The following GCNT1 variants were observed in gnomAD, a reference collection of about 807,000 sequenced individuals.
GCNT1 encodes glucosaminyl (N-acetyl) transferase 1.
In GCNT1, 16 loss-of-function variants were observed where a neutral mutation model predicts 26.2. The observed-to-expected ratio is 0.61, with a 90% confidence interval of 0.41 to 0.93. GCNT1 has a LOEUF of 0.93. GCNT1 is among the 40% of genes least tolerant of loss of function. The pLI, the probability that GCNT1 is intolerant of heterozygous loss-of-function variation, is 0.00. For missense variants in GCNT1, 477 were observed against 526.7 expected, an observed-to-expected ratio of 0.91 and a Z score of 0.92; for synonymous variants, 183 against 190.8, an observed-to-expected ratio of 0.96 and a Z score of 0.34.
chr9:76,484,501 G>A (rs898762467), intron 2 of GCNT1, among the ~76,000 whole-genome samples: 1 of 152,012 alleles, frequency 6.6e-6, no homozygotes, highest in African/African-American at 2.4e-5. Context: ...AAGAATAACA[G>A]TGTTTTTGTA....
the GCNT1 span, chr9:76,394,542 A>AGCCCCGCCCCATCATG: frequency 0.15 from 24,944 of 166,340 alleles, 2,199 homozygotes; most frequent in Admixed American, 0.19. Context: ...CGGCTTCCGT[A>AGCCCCGCCCCATCATG]GCCCCGCCCC....
At chr9:76,472,167 C>T (rs1278311433) in intron 2 of GCNT1, among the ~76,000 whole-genome samples, 1 of 152,124 alleles carries the variant, frequency 6.6e-6, no homozygotes, top group Non-Finnish European at 1.5e-5. Flanking sequence ...ATCCCAGCTA[C>T]TCAGGAGGCT....
At chr9:76,480,481 T>C (rs989891037) in intron 2 of GCNT1, among the ~76,000 whole-genome samples, 2 of 152,146 alleles carry the variant, frequency 1.3e-5, no homozygotes, top group Non-Finnish European at 2.9e-5. Context: ...ATTCTTTTCC[T>C]CCTGACAAAT....
chr9:76,434,831 G>T (rs1823386390), intron 1 of GCNT1, among the ~76,000 whole-genome samples: 1 of 152,052 alleles, frequency 6.6e-6, no homozygotes, highest in South Asian at 2.1e-4. Flanking sequence ...TTGCATTCCT[G>T]GGGAGAGGTC....
chr9:76,419,196 C>T (rs1823158842), upstream of GCNT1, among the ~76,000 whole-genome samples: 1 of 152,116 alleles, frequency 6.6e-6, no homozygotes, highest in Admixed American at 6.5e-5. Context: ...TAGCCCCCAT[C>T]CCAATCATCA....
chr9:76,498,964 G>C (rs1787206417), intron 2 of GCNT1, among the ~76,000 whole-genome samples: 1 of 151,434 alleles, frequency 6.6e-6, no homozygotes, highest in Non-Finnish European at 1.5e-5. Context: ...TTTTTCATGT[G>C]GATTTGAGTT....
At chr9:76,496,787 T>C (rs1304940880) in intron 2 of GCNT1, among the ~76,000 whole-genome samples, 1 of 152,252 alleles carries the variant, frequency 6.6e-6, no homozygotes, top group Admixed American at 6.5e-5. Context: ...TTTCAGGTAC[T>C]GGCTTTCCTC....
At chr9:76,394,307 G>A in the GCNT1 span, 1 of 748,962 alleles carries the variant, frequency 1.3e-6, no homozygotes, top group African/African-American at 1.9e-5. Context: ...CGCACCAGTG[G>A]CCGGACGACG....
intron 2 of GCNT1, among the ~76,000 whole-genome samples, chr9:76,495,463 A>G (rs1824881359): frequency 6.6e-6 from 1 of 152,200 alleles, no homozygotes; most frequent in South Asian, 2.1e-4. Context: ...ACAGCATGGA[A>G]GGGGACCAGA....
Position 76,502,302 on chromosome 9 carries a change from C to T in GCNT1, c.-80C>T, listed in dbSNP as rs1825096365. 6 of 963,672 alleles carry T rather than the reference C, an allele frequency of 6.2e-6. No homozygotes were observed. In the East Asian group the frequency reaches 1.4e-4, roughly 23 times the overall value. The allele number at this position is 963,672 out of a possible 1,614,324, so 59.7% of individuals were successfully genotyped here. ...AAATGCAAACTGACAACCTTCAAGGCCACGACGGAGGGAAAATCATTGGTG... is the reference window on the plus strand; with the variant it reads ...AAATGCAAACTGACAACCTTCAAGGTCACGACGGAGGGAAAATCATTGGTG... On this transcript the variant is annotated 5_prime_UTR_variant, in exon 4 of 4. Transcript: ENST00000376730.
intron 2 of GCNT1, among the ~76,000 whole-genome samples, chr9:76,484,938 G>A (rs1332836016): frequency 1.3e-5 from 2 of 151,838 alleles, no homozygotes; most frequent in Admixed American, 6.6e-5. Flanking sequence ...ACAGACTCGT[G>A]CCACCACACC....
At chr9:76,443,785 G>A (rs1823519231) in intron 1 of GCNT1, among the ~76,000 whole-genome samples, 1 of 152,106 alleles carries the variant, frequency 6.6e-6, no homozygotes, top group East Asian at 1.9e-4. Context: ...GGAGGCTGAA[G>A]CAGGAGAATC....
At chr9:76,454,386 GAAAAAAAAAAA>G (rs71372084), upstream of GCNT1, among the ~76,000 whole-genome samples, 35 of 39,620 alleles carry the variant, frequency 8.8e-4, no homozygotes, top group South Asian at 2.1e-3. Flanking sequence ...TCTCAGAAAA[GAAAAAAAAAAA>G]AAAAAAAAAA....
chr9:76,423,194 T>C (rs953525331), intron 1 of GCNT1, among the ~76,000 whole-genome samples: 1 of 152,236 alleles, frequency 6.6e-6, no homozygotes, highest in African/African-American at 2.4e-5. Flanking sequence ...GTTTTCCTCC[T>C]TGGAGGTTGC....
upstream of GCNT1, among the ~76,000 whole-genome samples, chr9:76,455,173 C>A (rs1156553748): frequency 6.6e-6 from 1 of 152,000 alleles, no homozygotes; most frequent in African/African-American, 2.4e-5. Flanking sequence ...TATAAATCAT[C>A]CAGTCTCAGA....
At chr9:76,425,215 G>A (rs1823244642) in intron 1 of GCNT1, among the ~76,000 whole-genome samples, 1 of 150,950 alleles carries the variant, frequency 6.6e-6, no homozygotes, top group Admixed American at 6.6e-5. Context: ...AAGCTAGTAA[G>A]GAATAGTATT....
chr9:76,462,550 A>T (rs1470818815), intron 2 of GCNT1, among the ~76,000 whole-genome samples: 1 of 152,192 alleles, frequency 6.6e-6, no homozygotes, highest in Non-Finnish European at 1.5e-5. Context: ...AATGACCCCA[A>T]ATGTCTCCAG....
intron 2 of GCNT1, among the ~76,000 whole-genome samples, chr9:76,473,611 T>TC (rs1182573208): frequency 6.6e-6 from 1 of 152,184 alleles, no homozygotes; most frequent in Non-Finnish European, 1.5e-5. Flanking sequence ...TATGATAATT[T>TC]CCCCAATGAA....
upstream of GCNT1, among the ~76,000 whole-genome samples, chr9:76,457,626 A>C (rs894619021): frequency 5.9e-5 from 9 of 152,230 alleles, no homozygotes; most frequent in African/African-American, 1.9e-4. Flanking sequence ...CATTTAATGA[A>C]TATCTATTAC....
Sources: allele counts gnomAD v4.1 joint callset (sites outside exome capture counted in the v4.1 genomes callset), GRCh38; gene constraint gnomAD v4.1.1; transcripts MANE v1.5; gene names NCBI Gene and HGNC (gene_info 2026-07-23, HGNC 2026-07-21).